CREB3L2: variants seen among roughly 807,000 people sequenced by gnomAD.
CREB3L2 encodes cAMP responsive element binding protein 3 like 2, also known as cyclic AMP-responsive element-binding protein 3-like protein 2.
In CREB3L2, 23 loss-of-function variants were observed where a neutral mutation model predicts 57.2. The ratio of observed to expected loss-of-function variants is 0.40; its 90% CI spans 0.29 to 0.57. The LOEUF (loss-of-function observed/expected upper bound fraction) is 0.57. Ranked by LOEUF, CREB3L2 falls within the 20% of genes least tolerant of loss-of-function variation. CREB3L2 has a pLI of 0.42. For synonymous variants in CREB3L2, 268 were observed against 265.1 expected (o/e 1.01, Z -0.11); for missense variants, 628 against 634.7 (o/e 0.99, Z 0.11).
chr7:137,934,136 C>CT (rs1800726676), intron 1 of CREB3L2, among the ~76,000 whole-genome samples: 5 of 152,104 alleles, frequency 3.3e-5, no homozygotes. Flanking sequence ...ATTTCATAAC[C>CT]TTTTTCTCAC....
rs997188695 is a variant in CREB3L2 at position 137,974,600 on chromosome 7, T to A, written c.102+27004A>T. On this transcript the variant is annotated intron_variant, in intron 1 of 11. Coordinates refer to ENST00000330387, the MANE Select transcript of CREB3L2 (RefSeq NM_194071.4). ...GGGAGAACAGATATGAGAAAAGTTG[T>A]TAATAGGCTACTGCAATAGTCCTGG... Among the ~76,000 whole-genome samples the A allele has an allele frequency of 4.6e-5, 7 of 152,320 alleles. No individual in the cohort carries two copies. The South Asian group carries it at 6.2e-4, about 14-fold the overall frequency.
chr7:137,903,517 G>A (rs1167297037), intron 7 of CREB3L2, among the ~76,000 whole-genome samples: 1 of 151,786 alleles, frequency 6.6e-6, no homozygotes, highest in African/African-American at 2.4e-5. Context: ...TGTAGTGGCT[G>A]GAAAATAAAG....
chr7:137,901,349 C>G lies in CREB3L2; in HGVS notation c.1043+5G>C. On this transcript the variant is annotated splice_donor_5th_base_variant and intron_variant, in intron 8 of 11. Transcript: ENST00000330387. ...GCAATCAGCTCTCAGTCCAGTGACA[C>G]TTACCTATTAGTGTTCTCTAGAACC... is the stretch of plus-strand genomic sequence containing the variant. 2 of 1,557,260 alleles carry G rather than the reference C, an allele frequency of 1.3e-6. No homozygotes were observed. The highest frequency in any genetic ancestry group is 8.9e-7 in the Non-Finnish European group (1 of 1,129,252).
rs191156971 is a variant in CREB3L2, at chr7:137,901,750, G to C, written c.975-328C>G. The stretch of plus-strand genomic sequence containing the variant: ...AAAAATTAGCTGGGCGTGGTGGCAC[G>C]TGCCTGTAATCCCAGCTACTCGGGA... On this transcript the variant is annotated intron_variant, in intron 7 of 11. Coordinates refer to ENST00000330387, the MANE Select transcript of CREB3L2 (RefSeq NM_194071.4). 2.6e-5 allele frequency among the ~76,000 whole-genome samples: 4 copies of C among 151,074 alleles called. No individual in the cohort carries two copies. In the South Asian group the frequency reaches 6.3e-4, roughly 24 times the overall value.
At chr7:137,972,325 C>G (rs1257700680) in intron 1 of CREB3L2, among the ~76,000 whole-genome samples, 2 of 151,916 alleles carry the variant, frequency 1.3e-5, no homozygotes, top group Non-Finnish European at 2.9e-5. Context: ...ATAATCCCAG[C>G]TACTTGGGAG....
In CREB3L2 at chr7:137,923,439, C is replaced by T. The variant is rs571801288; in HGVS notation, c.319+4711G>A. Among the ~76,000 whole-genome samples the T allele has an allele frequency of 9.4e-4, 143 of 152,326 alleles. 1 individual carries two copies. Among genetic ancestry groups the T allele is most frequent in the African/African-American group, 3.2e-3 (134 of 41,568 alleles). ...TCTGCCTGTCCTCCCCAATCACTGT[C>T]AGGTTCTCTCTTTGGCCGTGCATGA... On this transcript the variant is annotated intron_variant, in intron 2 of 11. Coordinates refer to ENST00000330387, the MANE Select transcript of CREB3L2 (RefSeq NM_194071.4).
chr7:137,906,048 A>G (rs1799886483), intron 5 of CREB3L2, among the ~76,000 whole-genome samples, 200 bp from the exon 6 acceptor site: 1 of 152,176 alleles, frequency 6.6e-6, no homozygotes, highest in Non-Finnish European at 1.5e-5. Context: ...TGTGAGTGTT[A>G]TAACCTAGGG....
chr7:137,995,624 C>T (rs1227830473), intron 1 of CREB3L2, among the ~76,000 whole-genome samples: 1 of 152,136 alleles, frequency 6.6e-6, no homozygotes, highest in African/African-American at 2.4e-5. Context: ...TCAGCCACCG[C>T]GCCCGGCCAG....
intron 1 of CREB3L2, among the ~76,000 whole-genome samples, chr7:137,971,319 G>A (rs554223808): frequency 3.3e-5 from 5 of 152,068 alleles, no homozygotes; most frequent in South Asian, 2.1e-4. Flanking sequence ...GTGTGGTGGC[G>A]GGCGCCTGTA....
At chr7:137,995,333 C>CTTTTTT (rs10676214) in intron 1 of CREB3L2, among the ~76,000 whole-genome samples, 1,965 of 87,394 alleles carry the variant, frequency 0.022, 292 homozygotes, top group African/African-American at 0.063. Flanking sequence ...TCTTTTCTTT[C>CTTTTTT]TTTTTTTTTT....
chr7:137,920,498 G>A (rs1188911100), intron 2 of CREB3L2, among the ~76,000 whole-genome samples: 2 of 152,160 alleles, frequency 1.3e-5, no homozygotes, highest in African/African-American at 4.8e-5. Flanking sequence ...GAAACAGACA[G>A]GTAGATTACG....
intron 1 of CREB3L2, among the ~76,000 whole-genome samples, chr7:137,948,802 A>T (rs1801045169): frequency 6.6e-6 from 1 of 152,210 alleles, no homozygotes; most frequent in Non-Finnish European, 1.5e-5. Flanking sequence ...AAGAAGGTAT[A>T]TCAGATGCAT....
At chr7:137,914,075 C>T (rs962622145) in intron 3 of CREB3L2, among the ~76,000 whole-genome samples, 1 of 151,994 alleles carries the variant, frequency 6.6e-6, no homozygotes, top group East Asian at 1.9e-4. Context: ...CAAAGGCCTC[C>T]ACCAGCTTGC....
intron 1 of CREB3L2, among the ~76,000 whole-genome samples, chr7:137,944,923 T>G (rs1481911752): frequency 6.6e-6 from 1 of 152,226 alleles, no homozygotes; most frequent in Non-Finnish European, 1.5e-5. Context: ...GACAGAGTCT[T>G]GCTCTGTAGA....
chr7:137,920,007 C>T (rs2117225773), intron 2 of CREB3L2, among the ~76,000 whole-genome samples: 1 of 152,270 alleles, frequency 6.6e-6, no homozygotes, highest in East Asian at 1.9e-4. Context: ...CACTTCATGG[C>T]TTAGGATGGT....
chr7:137,904,215 A>G (rs1799831773), intron 6 of CREB3L2, among the ~76,000 whole-genome samples, 198 bp from the exon 7 acceptor site: 2 of 152,150 alleles, frequency 1.3e-5, no homozygotes, highest in Non-Finnish European at 2.9e-5. Context: ...CTACTTTCCT[A>G]CAAACCAGGC....
chr7:137,979,632 A>G (rs977316500), intron 1 of CREB3L2, among the ~76,000 whole-genome samples: 26 of 152,190 alleles, frequency 1.7e-4, no homozygotes, highest in Non-Finnish European at 8.8e-5. Context: ...AGGCTGAGGC[A>G]GGAGAATGGC....
intron 2 of CREB3L2, among the ~76,000 whole-genome samples, chr7:137,922,424 ATATATATATATACG>A (rs1563253337): frequency 6.1e-4 from 30 of 49,314 alleles, no homozygotes; most frequent in African/African-American, 3.6e-3. Context: ...ATGTATATAT[ATATATATATATACG>A]TATATATATA....
intron 8 of CREB3L2, among the ~76,000 whole-genome samples, chr7:137,891,626 A>G (rs138945087): frequency 0.02 from 3,101 of 151,360 alleles, 95 homozygotes; most frequent in African/African-American, 0.072. Context: ...CCCAGGCTGG[A>G]GTGCAGTGGC....
Sources: allele counts gnomAD v4.1 joint callset (sites outside exome capture counted in the v4.1 genomes callset), GRCh38; gene constraint gnomAD v4.1.1; transcripts MANE v1.5; gene names NCBI Gene and HGNC (gene_info 2026-07-23, HGNC 2026-07-21).